Variants in FAM186A observed in about 807,000 individuals in gnomAD.
FAM186A encodes the protein family with sequence similarity 186 member A.
In FAM186A, 163 loss-of-function variants were observed where a neutral mutation model predicts 216.8. The ratio of observed to expected loss-of-function variants is 0.75; its 90% CI spans 0.66 to 0.86. The LOEUF (loss-of-function observed/expected upper bound fraction) is 0.86. FAM186A is among the 40% of genes least tolerant of loss of function. FAM186A has a pLI of 0.00. For missense variants in FAM186A, 2,184 were observed against 2,746.2 expected (o/e 0.80, Z 4.58); for synonymous variants, 805 against 1,025.3 (o/e 0.79, Z 4.10).
chr12:50,354,679 A>G lies in FAM186A; in HGVS notation c.2153T>C (p.Met718Thr), dbSNP rs1327631100. The G allele has an allele frequency of 1.9e-6, 3 of 1,548,674 alleles. No individual in the cohort carries two copies. The highest frequency in any genetic ancestry group is 2.6e-6 in the Non-Finnish European group (3 of 1,146,500). ...AGCCACTTTTTGGAAATATTCCTCCATTTTTGCCTTTATGATTCCTAATTT... is the reference window on the plus strand; with the variant it reads ...AGCCACTTTTTGGAAATATTCCTCCGTTTTTGCCTTTATGATTCCTAATTT... ...AEKLGIIKAK[M>T]EEYFQKVAET... Residue 718 changes from methionine (M) to threonine (T), a missense_variant, in exon 4 of 8, where the codon ATG (methionine) becomes ACG (threonine). Met to Thr is a moderately conservative substitution (Grantham distance 81). Around this residue, in one of 7 missense-constraint regions of FAM186A, gnomAD observed 1,132 missense variants for 1,263.4 expected, o/e 0.90. Coordinates refer to ENST00000327337, the MANE Select transcript of FAM186A (RefSeq NM_001145475.3).
Position 50,353,445 on chromosome 12 carries a change from C to T in FAM186A, c.3387G>A (p.Gln1129=). ...GAGGGGTGAGAGGGATCCCCAGGGC[C>T]TGCGCCTGCTGAGGGGTGAAAAGGA... ...LEILFTPQQA[Q]ALGIPLTPQQ... Residue 1129 remains glutamine, a synonymous_variant, in exon 4 of 8, where the codon CAG becomes CAA. Coordinates refer to ENST00000327337, the MANE Select transcript of FAM186A (RefSeq NM_001145475.3). The T allele has an allele frequency of 2.6e-6, 4 of 1,528,218 alleles. No individual in the cohort carries two copies. Among genetic ancestry groups the T allele is most frequent in the South Asian group, 1.2e-5 (1 of 80,452 alleles). The allele number at this position is 1,528,218 out of a possible 1,614,324, so 94.7% of individuals were successfully genotyped here.
chr12:50,384,116 C>CA (rs562957421), intron 1 of FAM186A, among the ~76,000 whole-genome samples: 6 of 151,044 alleles, frequency 4.0e-5, no homozygotes, highest in Admixed American at 2.6e-4. Context: ...GACTCTGTCT[C>CA]AAAAAAAAGA....
Position 50,355,098 on chromosome 12 carries a change from G to T in FAM186A, c.1734C>A (p.Gly578=), listed in dbSNP as rs1039079237. 1.3e-6 allele frequency: 2 copies of T among 1,551,450 alleles called. No homozygotes were observed. The highest frequency in any genetic ancestry group is 2.7e-5 in the African/African-American group (2 of 73,010). ...EPTTESLDKE[G]KGEIRSLVEP... ...CCACTAGGCTTCTAATTTCACCTTT[G>T]CCCTCTTTGTCCAATGACTCAGTGG... Residue 578 remains glycine (G), a synonymous_variant, in exon 4 of 8, where the codon GGC becomes GGA. Transcript: ENST00000327337.
Position 50,363,130 on chromosome 12 carries a change from C to G in FAM186A, c.412+15G>C. ...AACTTTATGGTTTTCCTCTGAACCG[C>G]TTCTGTAAACTTACTCCATTCTTCC... On this transcript the variant is annotated intron_variant, in intron 2 of 7. Coordinates refer to ENST00000327337, the MANE Select transcript of FAM186A (RefSeq NM_001145475.3). 1 of 1,529,148 alleles carries G rather than the reference C, an allele frequency of 6.5e-7. No individual in the cohort carries two copies. Among genetic ancestry groups the G allele is most frequent in the South Asian group, 1.2e-5 (1 of 80,870 alleles). The allele number at this position is 1,529,148 out of a possible 1,614,324, so 94.7% of individuals were successfully genotyped here.
chr12:50,348,721 G>A (rs1942845817), intron 4 of FAM186A, among the ~76,000 whole-genome samples: 1 of 150,408 alleles, frequency 6.6e-6, no homozygotes, highest in African/African-American at 2.4e-5. Flanking sequence ...ACCATGCCCG[G>A]CTAATTTTTG....
In FAM186A at chr12:50,372,593, C is replaced by CA. The variant is rs780884165; in HGVS notation, c.193-9230dup. On this transcript the variant is annotated intron_variant, in intron 1 of 7. Transcript: ENST00000327337. ...CGGGCGACAGTGTGAGACTCTGTCT[C>CA]AAAAAAAAAAAAAGAAATAATACTA... 5.2e-3 allele frequency among the ~76,000 whole-genome samples: 618 copies of CA among 118,880 alleles called. 3 individuals are homozygous for CA. Among genetic ancestry groups the CA allele is most frequent in the African/African-American group, 0.014 (440 of 31,854 alleles). 78.0% of individuals were successfully genotyped at this position (118,880 alleles called of 152,430 possible). A position where few individuals can be genotyped will look rare whatever the true frequency, so the allele number is the denominator to read the frequency against.
rs1337122524 is a variant in FAM186A, at chr12:50,352,442, C to G, written c.4390G>C (p.Ala1464Pro). Residue 1464 changes from alanine to proline, a missense_variant, in exon 4 of 8, where the codon GCT becomes CCT. Physicochemically the swap from Ala to Pro is conservative, Grantham distance 27 (BLOSUM62 -1). Transcript: ENST00000327337. ...ELGITLTPQQAQELGIPLTPQ... is the reference protein window; with the variant it reads ...ELGITLTPQQPQELGIPLTPQ... Reference sequence around the variant, plus strand: ...GTGAGAGGGATCCCCAATTCCTGAGCCTGCTGAGGGGTGAGAGTGATCCCC... The same window carrying G: ...GTGAGAGGGATCCCCAATTCCTGAGGCTGCTGAGGGGTGAGAGTGATCCCC... The G allele has an allele frequency of 2.6e-6, 4 of 1,512,174 alleles. No homozygotes were observed. The Admixed American group carries it at 6.2e-5, about 23-fold the overall frequency. The allele number at this position is 1,512,174 out of a possible 1,614,324, so 93.7% of individuals were successfully genotyped here. A position where few individuals can be genotyped will look rare whatever the true frequency, so the allele number is the denominator to read the frequency against.
rs1333068529 is a variant in FAM186A at position 50,356,052 on chromosome 12, A to G, written c.780T>C (p.Tyr260=). Residue 260 remains tyrosine (Y), a synonymous_variant, in exon 4 of 8, where the codon TAT becomes TAC. Coordinates refer to ENST00000327337, the MANE Select transcript of FAM186A (RefSeq NM_001145475.3). The part of the protein sequence containing the change: ...FSTLENNAIK[Y]ISSTIVNLST... The stretch of plus-strand genomic sequence containing the variant: ...AAAGGTTTACTATTGTTGATGATAT[A>G]TATTTAATAGCATTGTTTTCCAATG... The G allele has an allele frequency of 7.7e-6, 12 of 1,551,500 alleles. No individual in the cohort carries two copies. Among genetic ancestry groups the G allele is most frequent in the South Asian group, 5.9e-5 (5 of 84,058 alleles).
rs762723787 is a variant in FAM186A at position 50,355,287 on chromosome 12, CTT to C, written c.1543_1544del (p.Lys515ValfsTer4). On this transcript the variant is annotated frameshift_variant, in exon 4 of 8. Transcript: ENST00000327337. LOFTEE classifies it high-confidence loss of function. ...GTTTTCTTTTTGCTTCAGTGGGTGA[CTT>C]TGATTTATCTTCAGAAAAGGATTTC... ...EMKSFSEDKS[K>X]SPTEAKRKHL... The C allele has an allele frequency of 4.3e-5, 66 of 1,550,984 alleles. No individual in the cohort carries two copies. Among genetic ancestry groups the C allele is most frequent in the Non-Finnish European group, 5.4e-5 (62 of 1,146,880 alleles).
chr12:50,375,076 G>C (rs1172124181), intron 1 of FAM186A, among the ~76,000 whole-genome samples: 3 of 152,132 alleles, frequency 2.0e-5, no homozygotes, highest in Admixed American at 6.6e-5. Flanking sequence ...TACCTGGGAG[G>C]CTGAGGCATG....
intron 1 of FAM186A, among the ~76,000 whole-genome samples, chr12:50,381,940 A>C (rs1943257061): frequency 1.3e-5 from 2 of 152,170 alleles, no homozygotes; most frequent in Admixed American, 1.3e-4. Context: ...AGCATGGGTG[A>C]CAAGGAGAAA....
Position 50,386,590 on chromosome 12 carries a change from G to A in FAM186A, c.192+9703C>T, listed in dbSNP as rs1480627959. 4.0e-5 allele frequency among the ~76,000 whole-genome samples: 6 copies of A among 150,648 alleles called. No homozygotes were observed. The South Asian group carries it at 8.4e-4, about 21-fold the overall frequency. On this transcript the variant is annotated intron_variant, in intron 1 of 7. Transcript: ENST00000327337. The stretch of plus-strand genomic sequence containing the variant: ...AATACAGAAAAAGAACATTTTGGCC[G>A]GGCTCATGCCTGTAATCCCAGCACT...
At position 50,331,650 on chromosome 12, in the gene FAM186A, T is replaced by G; in HGVS notation, c.6848+20A>C. ...CCCACATATCGTCCAAAGTTTAATA[T>G]CAGTCTTTCTAGCACATACCTAAAT... On this transcript the variant is annotated intron_variant, in intron 6 of 7. Transcript: ENST00000327337. The G allele has an allele frequency of 6.6e-7, 1 of 1,525,582 alleles. No homozygotes were observed. Among genetic ancestry groups the G allele is most frequent in the Non-Finnish European group, 8.8e-7 (1 of 1,141,058 alleles). The allele number at this position is 1,525,582 out of a possible 1,614,324, so 94.5% of individuals were successfully genotyped here.
At chr12:50,332,584 C>T (rs1942666214) in intron 5 of FAM186A, among the ~76,000 whole-genome samples, 1 of 152,130 alleles carries the variant, frequency 6.6e-6, no homozygotes. Flanking sequence ...CTTATTCCTC[C>T]TCTGAAATGC....
At chr12:50,379,023 G>A (rs1020906916) in intron 1 of FAM186A, among the ~76,000 whole-genome samples, 2 of 152,244 alleles carry the variant, frequency 1.3e-5, no homozygotes, top group Admixed American at 1.3e-4. Context: ...GAATAAAGAA[G>A]GCTGGGTGCA....
At chr12:50,384,420 G>A (rs758002528) in intron 1 of FAM186A, among the ~76,000 whole-genome samples, 111 of 152,106 alleles carry the variant, frequency 7.3e-4, no homozygotes, top group Admixed American at 7.2e-4. Context: ...GCCAGACCAT[G>A]TCTCTAAACA....
intron 1 of FAM186A, among the ~76,000 whole-genome samples, chr12:50,373,949 C>T (rs1193486075): frequency 2.0e-4 from 31 of 151,884 alleles, no homozygotes; most frequent in Non-Finnish European, 2.9e-4. Flanking sequence ...GGCACATATA[C>T]ACCATGGAAT....
chr12:50,328,626 G>C (rs973554480), intron 7 of FAM186A, among the ~76,000 whole-genome samples: 1 of 152,024 alleles, frequency 6.6e-6, no homozygotes, highest in African/African-American at 2.4e-5. Context: ...TCATGCCTCA[G>C]CCTCCTGAGT....
chr12:50,353,844 T>C lies in FAM186A; in HGVS notation c.2988A>G (p.Lys996=), dbSNP rs1942940277. Reference sequence around the variant, plus strand: ...TTTGGATGACCATTTTTTCTAGCTCTTTAGGTTGTGTTTCCTTCATCTGCA... The same window carrying C: ...TTTGGATGACCATTTTTTCTAGCTCCTTAGGTTGTGTTTCCTTCATCTGCA... ...DQMQMKETQP[K]ELEKMVIQTP... Residue 996 remains lysine, a synonymous_variant, in exon 4 of 8, where the codon AAA becomes AAG. Coordinates refer to ENST00000327337, the MANE Select transcript of FAM186A (RefSeq NM_001145475.3). 2 of 1,551,602 alleles carry C rather than the reference T, an allele frequency of 1.3e-6. No homozygotes were observed. The highest frequency in any genetic ancestry group is 1.7e-6 in the Non-Finnish European group (2 of 1,147,008).
Sources: allele counts gnomAD v4.1 joint callset (sites outside exome capture counted in the v4.1 genomes callset), GRCh38; gene constraint gnomAD v4.1.1; regional missense constraint gnomAD v4.1.1; transcripts MANE v1.5; gene names NCBI Gene and HGNC (gene_info 2026-07-23, HGNC 2026-07-21).